CUL2: variants seen among roughly 807,000 people sequenced by gnomAD.
CUL2 encodes cullin-2.
CUL2 carries 22 observed loss-of-function variants against 110.2 expected under a neutral mutation model. The observed-to-expected ratio is 0.20, with a 90% confidence interval of 0.14 to 0.28. The LOEUF is 0.28. CUL2 is among the 10% of genes least tolerant of loss of function. The probability of loss-of-function intolerance (pLI) is 1.00; values close to 1 mark genes in which losing one functional copy is unlikely to be tolerated. For synonymous variants in CUL2, 279 were observed against 293.2 expected (o/e 0.95, Z 0.49); for missense variants, 631 against 905.5 (o/e 0.70, Z 3.89).
chr10:35,100,877 A>G (rs951577073), exon 2 of CUL2: 2 of 152,098 alleles, frequency 1.3e-5, no homozygotes, highest in Non-Finnish European at 2.9e-5. Context: ...ATCAGGATAC[A>G]GAAGAGTTCC....
intron 10 of CUL2, among the ~76,000 whole-genome samples, chr10:35,034,383 T>TA (rs1428361895): frequency 2.0e-5 from 3 of 152,190 alleles, no homozygotes; most frequent in Non-Finnish European, 2.9e-5. Flanking sequence ...ATAGAAAACT[T>TA]ACACATTATT....
At chr10:35,067,155 A>G (rs1196910175) in intron 2 of CUL2, among the ~76,000 whole-genome samples, 7 of 151,832 alleles carry the variant, frequency 4.6e-5, no homozygotes, top group South Asian at 4.2e-4. Flanking sequence ...AAAAAAAAAA[A>G]AAAGAAATGA....
intron 1 of CUL2, chr10:35,074,314 G>T (rs2086760621): frequency 1.2e-6 from 1 of 836,262 alleles, no homozygotes; most frequent in Non-Finnish European, 2.0e-6. Context: ...TCTCCTCCTG[G>T]TACTCCCTAC....
chr10:35,084,804 C>T (rs563428849), intron 1 of CUL2, among the ~76,000 whole-genome samples: 1 of 152,258 alleles, frequency 6.6e-6, no homozygotes, highest in African/African-American at 2.4e-5. Flanking sequence ...AGGGCTGATC[C>T]TGTCATCAAT....
At chr10:35,021,504 T>C (rs2085184130) in intron 17 of CUL2, among the ~76,000 whole-genome samples, 1 of 150,348 alleles carries the variant, frequency 6.7e-6, no homozygotes, top group Admixed American at 6.6e-5. Flanking sequence ...TAGATGATAT[T>C]TCCATAATTA....
intron 1 of CUL2, among the ~76,000 whole-genome samples, chr10:35,084,538 C>A (rs1345128652): frequency 1.3e-5 from 2 of 152,098 alleles, no homozygotes; most frequent in East Asian, 1.9e-4. Flanking sequence ...ATATAGAAAT[C>A]TATACATTCT....
Position 35,028,891 on chromosome 10 carries a change from G to A in CUL2, c.1540-4C>T. ...GAGTAAGAGGCCACGCACCAGCCTAGAAGGAAAAAAATAAAATAAAATAAG... is the reference window on the plus strand; with the variant it reads ...GAGTAAGAGGCCACGCACCAGCCTAAAAGGAAAAAAATAAAATAAAATAAG... On this transcript the variant is annotated splice_region_variant and splice_polypyrimidine_tract_variant and intron_variant, in intron 15 of 20. Coordinates refer to ENST00000374749, the MANE Select transcript of CUL2 (RefSeq NM_003591.4). 2.5e-6 allele frequency: 4 copies of A among 1,578,080 alleles called. No individual in the cohort carries two copies. Among genetic ancestry groups the A allele is most frequent in the Non-Finnish European group, 3.5e-6 (4 of 1,159,310 alleles).
intron 2 of CUL2, 72 bp downstream of exon 2, chr10:35,071,127 T>C: frequency 2.1e-6 from 3 of 1,449,092 alleles, no homozygotes; most frequent in Non-Finnish European, 2.9e-6. Context: ...TTCCATAACA[T>C]TGAACATGTT....
chr10:35,108,609 T>G (rs2087492451), intron 1 of CUL2, among the ~76,000 whole-genome samples: 1 of 152,200 alleles, frequency 6.6e-6, no homozygotes, highest in Admixed American at 6.5e-5. Context: ...AATACCTGTT[T>G]CCAGATTTGG....
intron 17 of CUL2, among the ~76,000 whole-genome samples, chr10:35,021,765 A>C (rs943498463): frequency 1.4e-5 from 2 of 148,056 alleles, no homozygotes; most frequent in Non-Finnish European, 3.0e-5. Flanking sequence ...GTGGGCTGTG[A>C]TCGCGCACCT....
intron 1 of CUL2, among the ~76,000 whole-genome samples, chr10:35,124,895 C>A (rs950738605): frequency 3.9e-5 from 6 of 152,094 alleles, no homozygotes; most frequent in African/African-American, 7.2e-5. Context: ...GACTGACAGC[C>A]CGTATTTTCT....
chr10:35,066,232 G>GT (rs2086521476), intron 2 of CUL2, among the ~76,000 whole-genome samples: 1 of 151,448 alleles, frequency 6.6e-6, no homozygotes. Flanking sequence ...AAATGAAAAT[G>GT]TAAGACAACC....
intron 9 of CUL2, among the ~76,000 whole-genome samples, chr10:35,036,324 C>T (rs1436568946): frequency 6.6e-6 from 1 of 152,224 alleles, no homozygotes; most frequent in Non-Finnish European, 1.5e-5. Context: ...TATGAATATA[C>T]TGTACTATTC....
chr10:35,077,023 T>C (rs1271077206), intron 1 of CUL2, among the ~76,000 whole-genome samples: 3 of 152,078 alleles, frequency 2.0e-5, no homozygotes, highest in African/African-American at 7.2e-5. Context: ...CCAAGAGAAA[T>C]ACAACATATT....
intron 1 of CUL2, among the ~76,000 whole-genome samples, chr10:35,078,924 C>T (rs2086884492): frequency 6.6e-6 from 1 of 152,052 alleles, no homozygotes; most frequent in Non-Finnish European, 1.5e-5. Context: ...ATAGTTAAGA[C>T]ACCATAATTA....
intron 1 of CUL2, among the ~76,000 whole-genome samples, chr10:35,081,903 T>C (rs937016190): frequency 3.9e-5 from 6 of 152,156 alleles, no homozygotes; most frequent in Non-Finnish European, 5.9e-5. Context: ...GACACTGCTA[T>C]AGAAGACACA....
Position 35,009,201 on chromosome 10 carries a change from T to TTATATATATATA in CUL2, c.*1098_*1109dup, listed in dbSNP as rs58058299. The TTATATATATATA allele has an allele frequency of 1.0e-4, 14 of 137,886 alleles. No individual in the cohort carries two copies. In the South Asian group the frequency reaches 2.3e-3, roughly 23 times the overall value. 8.5% of individuals were successfully genotyped at this position (137,886 alleles called of 1,614,324 possible). ...CTGTTGAGATATATATATATATATA[T>TTATATATATATA]TATATATATATATATATATAAAATA... is the stretch of plus-strand genomic sequence containing the variant. On this transcript the variant is annotated 3_prime_UTR_variant, in exon 21 of 21. Coordinates refer to ENST00000374749, the MANE Select transcript of CUL2 (RefSeq NM_003591.4).
At chr10:35,124,522 G>T (rs758553647) in intron 1 of CUL2, among the ~76,000 whole-genome samples, 46 of 152,186 alleles carry the variant, frequency 3.0e-4, no homozygotes, top group Non-Finnish European at 6.0e-4. Context: ...CCCCTGCCTT[G>T]CCTTCTTCTC....
At chr10:35,058,855 G>A (rs1053765536) in intron 4 of CUL2, among the ~76,000 whole-genome samples, 2 of 152,122 alleles carry the variant, frequency 1.3e-5, no homozygotes, top group African/African-American at 4.8e-5. Flanking sequence ...GCATCCTTAA[G>A]CTAGCTCAAT....
Sources: allele counts gnomAD v4.1 joint callset (sites outside exome capture counted in the v4.1 genomes callset), GRCh38; gene constraint gnomAD v4.1.1; transcripts MANE v1.5; gene names NCBI Gene and HGNC (gene_info 2026-07-23, HGNC 2026-07-21).